The following OXCT1 variants were observed in gnomAD, a reference collection of about 807,000 sequenced individuals.
OXCT1 encodes the protein succinyl-CoA:3-ketoacid coenzyme A transferase 1, mitochondrial.
OXCT1 carries 27 observed loss-of-function variants against 69.6 expected under a neutral mutation model. The ratio of observed to expected loss-of-function variants is 0.39; its 90% CI spans 0.29 to 0.54. OXCT1 has a LOEUF of 0.54. OXCT1 is among the 20% of genes least tolerant of loss of function. OXCT1 has a pLI of 0.72. For missense variants in OXCT1, 437 were observed against 650.2 expected (o/e 0.67, Z 3.57); for synonymous variants, 202 against 217.8 (o/e 0.93, Z 0.64).
intron 13 of OXCT1, among the ~76,000 whole-genome samples, chr5:41,777,393 G>A (rs1004817834): frequency 3.3e-5 from 5 of 152,166 alleles, no homozygotes; most frequent in African/African-American, 1.2e-4. Context: ...TCCAGCCTGG[G>A]CGACAAAGTG....
intron 15 of OXCT1, among the ~76,000 whole-genome samples, chr5:41,745,264 A>G (rs1342749593): frequency 6.6e-6 from 1 of 152,098 alleles, no homozygotes. Context: ...AAACCACTCA[A>G]CTACATGGAA....
At chr5:41,859,864 AATAT>A (rs3050894) in intron 3 of OXCT1, among the ~76,000 whole-genome samples, 2,104 of 120,108 alleles carry the variant, frequency 0.018, 109 homozygotes, top group South Asian at 0.095. Context: ...CTAGTATAGT[AATAT>A]ATATATATAT....
At chr5:41,802,628 A>T (rs975935198) in intron 10 of OXCT1, among the ~76,000 whole-genome samples, 2 of 152,076 alleles carry the variant, frequency 1.3e-5, no homozygotes, top group African/African-American at 4.8e-5. Context: ...ACTTAATTTT[A>T]TTTAACATAG....
rs3050894 is a variant in OXCT1, at chr5:41,859,864, A to AATATATAT, written c.278+1442_278+1449dup. Among the ~76,000 whole-genome samples, 654 of 119,996 alleles carry AATATATAT rather than the reference A, an allele frequency of 5.5e-3. 8 individuals are homozygous for AATATATAT. The highest frequency in any genetic ancestry group is 0.019 in the African/African-American group (611 of 32,826). The allele number at this position is 119,996 out of a possible 152,430, so 78.7% of individuals were successfully genotyped here. On this transcript the variant is annotated intron_variant, in intron 3 of 16. Transcript: ENST00000196371. Reference sequence around the variant, plus strand: ...AACTATTATACCTGACTAGTATAGTAATATATATATATATATATATATGTA... The same window carrying AATATATAT: ...AACTATTATACCTGACTAGTATAGTAATATATATATATATATATATATATATATATGTA...
At chr5:41,749,678 G>A (rs1743671985) in intron 14 of OXCT1, 71 bp from the exon 15 acceptor site, 1 of 908,700 alleles carries the variant, frequency 1.1e-6, no homozygotes, top group African/African-American at 1.6e-5. Flanking sequence ...CATAACTATA[G>A]GATAAACAGA....
At position 41,731,589 on chromosome 5, in the gene OXCT1, T is replaced by C. The variant is rs1373231029; in HGVS notation, c.*140A>G. The C allele has an allele frequency of 1.6e-6, 2 of 1,238,310 alleles. No homozygotes were observed. Among genetic ancestry groups the C allele is most frequent in the Non-Finnish European group, 2.3e-6 (2 of 875,908 alleles). 76.7% of individuals were successfully genotyped at this position (1,238,310 alleles called of 1,614,324 possible). The stretch of plus-strand genomic sequence containing the variant: ...CAGCATGCCTAGAGAACAGTTTATA[T>C]GGCTGCATAAAGTCTGAAACACAAG... On this transcript the variant is annotated 3_prime_UTR_variant, in exon 17 of 17. Coordinates refer to ENST00000196371, the MANE Select transcript of OXCT1 (RefSeq NM_000436.4).
At chr5:41,744,639 A>G (rs377235935) in intron 15 of OXCT1, among the ~76,000 whole-genome samples, 1 of 152,132 alleles carries the variant, frequency 6.6e-6, no homozygotes, top group Non-Finnish European at 1.5e-5. Context: ...GATACGTCCC[A>G]TCAATACCTA....
chr5:41,782,667 T>C (rs990298269), intron 13 of OXCT1, among the ~76,000 whole-genome samples: 1 of 152,218 alleles, frequency 6.6e-6, no homozygotes, highest in Middle Eastern at 3.2e-3. Context: ...GATGGATAGA[T>C]TGCAAATATT....
chr5:41,739,935 C>T (rs1031451262), intron 15 of OXCT1, among the ~76,000 whole-genome samples: 30 of 150,944 alleles, frequency 2.0e-4, no homozygotes, highest in African/African-American at 7.3e-4. Context: ...GAAAAAATGT[C>T]AACTGTAACT....
Position 41,801,029 on chromosome 5 carries a change from G to C in OXCT1, c.1092C>G (p.Ile364Met). The change falls in exon 11 of 17, where the codon ATC becomes ATG. Residue 364 changes from isoleucine to methionine, a missense_variant. Ile to Met is a conservative substitution (Grantham distance 10). This residue lies in a region of OXCT1 where 252 missense variants were observed against 397.4 expected (regional missense o/e 0.63). Transcript: ENST00000196371. ...PRQHEADADL[I>M]NAGKETVTIL... ...AGAAATAAGTGAGCTTACCTGCATT[G>C]ATGAGATCTGCATCAGCTTCATGTT... 1 of 1,612,254 alleles carries C rather than the reference G, an allele frequency of 6.2e-7. No individual in the cohort carries two copies. Among genetic ancestry groups the C allele is most frequent in the Non-Finnish European group, 8.5e-7 (1 of 1,178,428 alleles).
At chr5:41,782,380 A>AATTTTTGT (rs1745449937) in intron 13 of OXCT1, among the ~76,000 whole-genome samples, 1 of 151,786 alleles carries the variant, frequency 6.6e-6, no homozygotes, top group South Asian at 2.1e-4. Flanking sequence ...ATGCCTAGCA[A>AATTTTTGT]ATTTTTGTAT....
intron 13 of OXCT1, among the ~76,000 whole-genome samples, chr5:41,777,008 A>AT (rs1325521122): frequency 6.6e-6 from 1 of 152,076 alleles, no homozygotes; most frequent in African/African-American, 2.4e-5. Context: ...TAATATTCTT[A>AT]TTTTTCTTGT....
chr5:41,797,941 G>C (rs751363697), intron 11 of OXCT1, among the ~76,000 whole-genome samples: 73 of 152,110 alleles, frequency 4.8e-4, no homozygotes, highest in Non-Finnish European at 9.3e-4. Flanking sequence ...ATAATTACAA[G>C]GCAAAATGTG....
At chr5:41,743,942 A>T (rs1223006860) in intron 15 of OXCT1, among the ~76,000 whole-genome samples, 4 of 152,088 alleles carry the variant, frequency 2.6e-5, no homozygotes, top group Non-Finnish European at 5.9e-5. Flanking sequence ...CTTTTAGCTT[A>T]GTATTGACTT....
At chr5:41,843,151 T>G (rs1375768314) in intron 5 of OXCT1, among the ~76,000 whole-genome samples, 1 of 152,214 alleles carries the variant, frequency 6.6e-6, no homozygotes, top group Non-Finnish European at 1.5e-5. Flanking sequence ...ACAGTTTGCA[T>G]AAAATGGTCT....
At chr5:41,788,299 A>C (rs371906180) in intron 13 of OXCT1, among the ~76,000 whole-genome samples, 3 of 152,310 alleles carry the variant, frequency 2.0e-5, no homozygotes, top group African/African-American at 4.8e-5. Flanking sequence ...AAAGAAATCA[A>C]AGGGCAAAAA....
intron 11 of OXCT1, among the ~76,000 whole-genome samples, chr5:41,796,087 T>A (rs922133762): frequency 6.6e-6 from 1 of 152,128 alleles, no homozygotes; most frequent in African/African-American, 2.4e-5. Flanking sequence ...TACTGGCCAA[T>A]GTATCTAAGG....
intron 6 of OXCT1, among the ~76,000 whole-genome samples, chr5:41,842,155 G>A (rs1287204235): frequency 6.6e-6 from 1 of 152,136 alleles, no homozygotes; most frequent in African/African-American, 2.4e-5. Flanking sequence ...AAAGTCTGTG[G>A]CTGAGAGGAT....
At chr5:41,859,864 A>AATATATATATATATATATATTAT (rs1561135423) in intron 3 of OXCT1, among the ~76,000 whole-genome samples, 42 of 120,122 alleles carry the variant, frequency 3.5e-4, no homozygotes, top group Non-Finnish European at 6.7e-4. Context: ...CTAGTATAGT[A>AATATATATATATATATATATTAT]ATATATATAT....
Sources: gnomAD v4.1 joint callset for allele counts (sites outside exome capture counted in the v4.1 genomes callset) on GRCh38, gnomAD v4.1.1 for gene constraint, gnomAD v4.1.1 regional missense constraint, MANE v1.5 for transcripts, NCBI Gene and HGNC (gene_info 2026-07-23, HGNC 2026-07-21) for gene names.